The following PPP1R9A variants were observed in gnomAD, a reference collection of about 807,000 sequenced individuals.
PPP1R9A encodes neurabin-1.
A neutral mutation model predicts 141.9 loss-of-function variants in PPP1R9A; 59 were observed. That is an observed-to-expected ratio of 0.42 (90% CI 0.34 to 0.52). PPP1R9A has a LOEUF of 0.52. Ranked by LOEUF, PPP1R9A falls within the 20% of genes least tolerant of loss-of-function variation. The probability of loss-of-function intolerance (pLI) is 0.10; values close to 1 mark genes in which losing one functional copy is unlikely to be tolerated. For synonymous variants in PPP1R9A, 500 were observed against 569.7 expected, an observed-to-expected ratio of 0.88 and a Z score of 1.74; for missense variants, 1,444 against 1,611.9, an observed-to-expected ratio of 0.90 and a Z score of 1.78.
At chr7:95,172,185 T>TA (rs534778442) in intron 5 of PPP1R9A, among the ~76,000 whole-genome samples, 76 of 151,784 alleles carry the variant, frequency 5.0e-4, no homozygotes, top group Non-Finnish European at 8.9e-4. Context: ...CTCTTGGTAT[T>TA]AAGAACAATG....
intron 9 of PPP1R9A, among the ~76,000 whole-genome samples, chr7:95,248,498 C>T (rs1169015124): frequency 6.6e-6 from 1 of 152,042 alleles, no homozygotes; most frequent in African/African-American, 2.4e-5. Context: ...AAATTAGTGG[C>T]GGTTGCTAAA....
Position 95,268,348 on chromosome 7 carries a change from G to C in PPP1R9A, c.2666-202G>C, listed in dbSNP as rs544854378. Among the ~76,000 whole-genome samples, 6 of 152,094 alleles carry C rather than the reference G, an allele frequency of 3.9e-5. No homozygotes were observed. The East Asian group carries it at 1.2e-3, about 29-fold the overall frequency. ...TTTTATAGCGCCTTCATCATCTTTA[G>C]TGTTGGTTTCTTCCTTTGACTTTGT... On this transcript the variant is annotated intron_variant, in intron 12 of 19. Transcript: ENST00000433360.
intron 7 of PPP1R9A, among the ~76,000 whole-genome samples, chr7:95,205,385 A>G (rs540682507): frequency 5.4e-4 from 82 of 152,214 alleles, no homozygotes; most frequent in Non-Finnish European, 1.1e-3. Flanking sequence ...TACTCCCTAG[A>G]AACAATGCTA....
At chr7:95,271,686 CAGG>C (rs1055255948) in intron 14 of PPP1R9A, among the ~76,000 whole-genome samples, 2 of 152,108 alleles carry the variant, frequency 1.3e-5, no homozygotes, top group African/African-American at 4.8e-5. Flanking sequence ...ATTTGGCCAT[CAGG>C]AGATCATTTA....
intron 2 of PPP1R9A, among the ~76,000 whole-genome samples, chr7:94,966,308 A>T (rs937659769): frequency 6.6e-6 from 1 of 152,084 alleles, no homozygotes; most frequent in South Asian, 2.1e-4. Context: ...TTCCTGTGTG[A>T]ATACCTTTAT....
rs538712733 is a variant in PPP1R9A at position 95,169,064 on chromosome 7, T to C, written c.1754+7093T>C. On this transcript the variant is annotated intron_variant, in intron 5 of 19. Transcript: ENST00000433360. ...TATTTAAAGAAAAGAAATCAGTATATCAAAGAGATGGCAGCATCTCAGTGT... is the reference window on the plus strand; with the variant it reads ...TATTTAAAGAAAAGAAATCAGTATACCAAAGAGATGGCAGCATCTCAGTGT... Among the ~76,000 whole-genome samples, 5 of 152,156 alleles carry C rather than the reference T, an allele frequency of 3.3e-5. No individual in the cohort carries two copies. The East Asian group carries it at 9.7e-4, about 29-fold the overall frequency.
chr7:95,090,197 A>G (rs1817153456), intron 2 of PPP1R9A, among the ~76,000 whole-genome samples: 1 of 151,932 alleles, frequency 6.6e-6, no homozygotes. Context: ...GCTTAACTGC[A>G]AAGCATAGTT....
chr7:95,033,306 T>G (rs377178535), intron 2 of PPP1R9A, among the ~76,000 whole-genome samples: 49 of 151,416 alleles, frequency 3.2e-4, no homozygotes, highest in African/African-American at 7.3e-4. Flanking sequence ...GAGCCACCGC[T>G]CCTGGCCTAA....
chr7:95,143,369 T>C (rs1365837478), intron 4 of PPP1R9A, among the ~76,000 whole-genome samples: 4 of 152,112 alleles, frequency 2.6e-5, no homozygotes, highest in Non-Finnish European at 1.5e-5. Context: ...AATTTTTTTC[T>C]TTTTTTCTAC....
chr7:95,198,511 T>C, intron 6 of PPP1R9A, 27 bp downstream of exon 6: 1 of 1,514,940 alleles, frequency 6.6e-7, no homozygotes, highest in Non-Finnish European at 8.8e-7. Flanking sequence ...AAGATTCTTT[T>C]TCCCACATTT....
At chr7:95,114,419 T>A (rs1374681118) in intron 3 of PPP1R9A, among the ~76,000 whole-genome samples, 1 of 152,190 alleles carries the variant, frequency 6.6e-6, no homozygotes, top group Non-Finnish European at 1.5e-5. Flanking sequence ...AGTATAATGG[T>A]CACTGAGGAA....
At chr7:95,160,110 G>A (rs1245319170) in intron 4 of PPP1R9A, among the ~76,000 whole-genome samples, 4 of 151,674 alleles carry the variant, frequency 2.6e-5, no homozygotes, top group African/African-American at 9.7e-5. Context: ...ATATAGAAAT[G>A]TAAAAGTATT....
chr7:95,034,824 C>T (rs1287159695), intron 2 of PPP1R9A, among the ~76,000 whole-genome samples: 1 of 152,094 alleles, frequency 6.6e-6, no homozygotes, highest in Non-Finnish European at 1.5e-5. Flanking sequence ...AGAAAAAATG[C>T]TTTACTTTCT....
At chr7:95,108,093 T>C (rs1819821951) in intron 2 of PPP1R9A, among the ~76,000 whole-genome samples, 1 of 151,960 alleles carries the variant, frequency 6.6e-6, no homozygotes, top group South Asian at 2.1e-4. Context: ...TGAACTCTTA[T>C]TAGTTCTAAT....
At chr7:95,127,879 A>G (rs1055432286) in intron 4 of PPP1R9A, among the ~76,000 whole-genome samples, 10 of 152,176 alleles carry the variant, frequency 6.6e-5, no homozygotes, top group African/African-American at 9.7e-5. Context: ...ATAGTATTCT[A>G]TGGTGCATAT....
At chr7:94,959,886 A>T (rs1797433861) in intron 2 of PPP1R9A, among the ~76,000 whole-genome samples, 1 of 151,686 alleles carries the variant, frequency 6.6e-6, no homozygotes, top group African/African-American at 2.4e-5. Flanking sequence ...TATCCCAAGC[A>T]ATTTTCTCAA....
Position 95,216,300 on chromosome 7 carries a change from G to C in PPP1R9A, c.1957-9661G>C, listed in dbSNP as rs185626589. On this transcript the variant is annotated intron_variant, in intron 7 of 19. Transcript: ENST00000433360. Reference sequence around the variant, plus strand: ...TAGATGTGTGGTATTATTTCTGAGGGCTCTGTTCTGTTCCATTGGTCTATA... The same window carrying C: ...TAGATGTGTGGTATTATTTCTGAGGCCTCTGTTCTGTTCCATTGGTCTATA... Among the ~76,000 whole-genome samples, 1,082 of 152,174 alleles carry C rather than the reference G, an allele frequency of 7.1e-3. 27 individuals carry two copies. The highest frequency in any genetic ancestry group is 0.04 in the Admixed American group (611 of 15,286).
rs35379982 is a variant in PPP1R9A at position 95,122,005 on chromosome 7, A to G, written c.1649+1173A>G. On this transcript the variant is annotated intron_variant, in intron 4 of 19. Coordinates refer to ENST00000433360, the MANE Select transcript of PPP1R9A (RefSeq NM_001166160.2). ...AATATACGACTGCTAAATTCAAAGA[A>G]TTATTATGTTGTTTTATGTACATTT... Among the ~76,000 whole-genome samples, 1,232 of 152,260 alleles carry G rather than the reference A, an allele frequency of 8.1e-3. 8 individuals carry two copies. Among genetic ancestry groups the G allele is most frequent in the Non-Finnish European group, 0.013 (870 of 68,018 alleles).
intron 2 of PPP1R9A, among the ~76,000 whole-genome samples, chr7:95,093,385 T>A (rs1285610465): frequency 6.6e-6 from 1 of 152,186 alleles, no homozygotes; most frequent in Non-Finnish European, 1.5e-5. Flanking sequence ...GAAATACTTG[T>A]AAGCATTTTA....
Sources: allele counts gnomAD v4.1 joint callset (sites outside exome capture counted in the v4.1 genomes callset), GRCh38; gene constraint gnomAD v4.1.1; transcripts MANE v1.5; gene names NCBI Gene and HGNC (gene_info 2026-07-23, HGNC 2026-07-21).